UNC13C: variants seen among roughly 807,000 people sequenced by gnomAD.
The protein encoded by UNC13C is unc-13 homolog C.
UNC13C carries 174 observed loss-of-function variants against 245.4 expected under a neutral mutation model. The ratio of observed to expected loss-of-function variants is 0.71; its 90% CI spans 0.63 to 0.80. The LOEUF (loss-of-function observed/expected upper bound fraction) is 0.80, where lower values mean the gene tolerates loss of function less well. UNC13C is among the 30% of genes least tolerant of loss of function. The pLI, the probability that UNC13C is intolerant of heterozygous loss-of-function variation, is 0.00. For synonymous variants in UNC13C, 992 were observed against 895.1 expected (o/e 1.11, Z -1.93); for missense variants, 2,829 against 2,602.9 (o/e 1.09, Z -1.89).
intron 8 of UNC13C, among the ~76,000 whole-genome samples, chr15:54,253,190 T>G (rs12101497): frequency 6.6e-6 from 1 of 152,112 alleles, no homozygotes; most frequent in East Asian, 1.9e-4. Flanking sequence ...CAAATTGATT[T>G]AAGTTAGGTG....
chr15:54,071,796 T>C (rs1286252156), intron 2 of UNC13C, among the ~76,000 whole-genome samples: 1 of 152,196 alleles, frequency 6.6e-6, no homozygotes, highest in Non-Finnish European at 1.5e-5. Context: ...ATGGCAGCGT[T>C]GAGTAGTTGC....
At chr15:54,472,405 A>G (rs550634202) in intron 19 of UNC13C, among the ~76,000 whole-genome samples, 110 of 151,908 alleles carry the variant, frequency 7.2e-4, no homozygotes, top group African/African-American at 2.6e-3. Context: ...TGTCAGTTTT[A>G]TAGTGTTTTG....
the UNC13C span, among the ~76,000 whole-genome samples, chr15:53,891,676 TTGC>T: frequency 1.3e-5 from 2 of 152,196 alleles, no homozygotes. Context: ...GAGATTAGGA[TTGC>T]AACTCCTGCT....
chr15:54,623,501 G>T (rs557255986), intron 31 of UNC13C, among the ~76,000 whole-genome samples: 2 of 151,938 alleles, frequency 1.3e-5, no homozygotes, highest in African/African-American at 4.8e-5. Flanking sequence ...TGTTCAATAC[G>T]AACAACACCA....
intron 4 of UNC13C, among the ~76,000 whole-genome samples, chr15:54,211,237 C>T (rs548145791): frequency 1.3e-5 from 2 of 152,124 alleles, no homozygotes; most frequent in East Asian, 3.9e-4. Context: ...AAGAAAGATA[C>T]TGATTTTAAA....
intron 7 of UNC13C, among the ~76,000 whole-genome samples, chr15:54,242,665 T>C (rs576776018): frequency 1.1e-4 from 16 of 152,286 alleles, no homozygotes; most frequent in East Asian, 5.8e-4. Context: ...TTCTAAGTTA[T>C]AGAGTTGAAC....
the UNC13C span, among the ~76,000 whole-genome samples, chr15:53,933,473 C>T: frequency 1.3e-5 from 2 of 152,112 alleles, no homozygotes; most frequent in Non-Finnish European, 2.9e-5. Flanking sequence ...ATATTTACTT[C>T]CAACATTTCA....
intron 30 of UNC13C, among the ~76,000 whole-genome samples, chr15:54,614,930 G>C (rs1318817955): frequency 2.6e-5 from 4 of 152,014 alleles, no homozygotes; most frequent in Non-Finnish European, 4.4e-5. Flanking sequence ...TGTTTTCAGA[G>C]AGAAGCTATC....
At chr15:54,479,279 T>G (rs1892965795) in intron 19 of UNC13C, among the ~76,000 whole-genome samples, 1 of 152,174 alleles carries the variant, frequency 6.6e-6, no homozygotes, top group East Asian at 1.9e-4. Context: ...TGCATATATA[T>G]TTATGATTGA....
At chr15:54,615,487 C>T (rs922296146) in intron 30 of UNC13C, among the ~76,000 whole-genome samples, 1 of 151,910 alleles carries the variant, frequency 6.6e-6, no homozygotes, top group Non-Finnish European at 1.5e-5. Flanking sequence ...ATGTATTATT[C>T]CCTAGTCTCT....
At chr15:54,483,643 G>A (rs927130747) in intron 19 of UNC13C, among the ~76,000 whole-genome samples, 13 of 152,004 alleles carry the variant, frequency 8.6e-5, no homozygotes, top group South Asian at 2.1e-4. Context: ...TTACAGGTGC[G>A]TGCCACCATG....
intron 26 of UNC13C, among the ~76,000 whole-genome samples, chr15:54,544,828 T>A (rs1365663783): frequency 6.6e-6 from 1 of 152,098 alleles, no homozygotes; most frequent in Non-Finnish European, 1.5e-5. Flanking sequence ...AAATTTCATG[T>A]TCATGGATAG....
chr15:54,118,046 A>G (rs1455215239), intron 2 of UNC13C, among the ~76,000 whole-genome samples: 1 of 151,744 alleles, frequency 6.6e-6, no homozygotes, highest in Non-Finnish European at 1.5e-5. Context: ...TTTGGTTACT[A>G]TAGTTTTATA....
At chr15:54,091,373 C>T (rs1388446465) in intron 2 of UNC13C, among the ~76,000 whole-genome samples, 2 of 152,196 alleles carry the variant, frequency 1.3e-5, no homozygotes, top group African/African-American at 4.8e-5. Context: ...TTTATTCTCG[C>T]AGATGGATTT....
rs796592466 is a variant in UNC13C at position 54,071,106 on chromosome 15, G to A, written c.2983+55220G>A. Among the ~76,000 whole-genome samples the A allele has an allele frequency of 4.8e-4, 73 of 152,226 alleles. 1 individual carries two copies. The highest frequency in any genetic ancestry group is 1.7e-3 in the African/African-American group (69 of 41,560). ...ATAATTAATATTTTTAACGTGAAAT[G>A]TATGAATGTTCACCCCAAGTGGCAG... is the stretch of plus-strand genomic sequence containing the variant. On this transcript the variant is annotated intron_variant, in intron 2 of 32. Coordinates refer to ENST00000260323, the MANE Select transcript of UNC13C (RefSeq NM_001080534.3).
intron 26 of UNC13C, among the ~76,000 whole-genome samples, chr15:54,539,850 T>TAATAGATAAAATGGGTTG (rs1439795471): frequency 6.6e-6 from 1 of 152,098 alleles, no homozygotes; most frequent in African/African-American, 2.4e-5. Flanking sequence ...TTATTTTCAG[T>TAATAGATAAAATGGGTTG]ACATTTTGAT....
the UNC13C span, among the ~76,000 whole-genome samples, chr15:53,873,136 C>A: frequency 1.1e-5 from 1 of 89,216 alleles, no homozygotes; most frequent in African/African-American, 4.1e-5. Context: ...GACAGGGACA[C>A]GTTTTTTTTT....
At chr15:54,287,395 T>A (rs1382034375) in intron 10 of UNC13C, among the ~76,000 whole-genome samples, 1 of 152,202 alleles carries the variant, frequency 6.6e-6, no homozygotes, top group East Asian at 1.9e-4. Context: ...TTATTTCAGA[T>A]ATAATCAAAC....
intron 2 of UNC13C, among the ~76,000 whole-genome samples, chr15:54,018,568 A>AG (rs35394344): frequency 0.43 from 65,126 of 151,870 alleles, 14,948 homozygotes; most frequent in East Asian, 0.53. Context: ...CTTCCCCATG[A>AG]GTCAAATTCT....
Sources: gnomAD v4.1 joint callset for allele counts (sites outside exome capture counted in the v4.1 genomes callset) on GRCh38, gnomAD v4.1.1 for gene constraint, MANE v1.5 for transcripts, NCBI Gene and HGNC (gene_info 2026-07-23, HGNC 2026-07-21) for gene names.